Variants in AFG1L observed in about 807,000 individuals in gnomAD.
The protein encoded by AFG1L is AFG1-like ATPase.
In AFG1L, 53 loss-of-function variants were observed where a neutral mutation model predicts 62.2. The observed-to-expected ratio is 0.85, with a 90% CI of 0.68 to 1.07. The LOEUF (loss-of-function observed/expected upper bound fraction) is 1.07. AFG1L is among the 50% of genes least tolerant of loss of function. The pLI is 0.00. For synonymous variants in AFG1L, 228 were observed against 210.3 expected (o/e 1.08, Z -0.73); for missense variants, 555 against 590.5 (o/e 0.94, Z 0.62).
intron 2 of AFG1L, among the ~76,000 whole-genome samples, chr6:108,327,658 T>C (rs1213371632): frequency 6.6e-6 from 1 of 152,210 alleles, no homozygotes; most frequent in Non-Finnish European, 1.5e-5. Flanking sequence ...AGCCTCACTT[T>C]GGGGGTTAGA....
intron 7 of AFG1L, among the ~76,000 whole-genome samples, chr6:108,438,371 T>C (rs1190006231): frequency 1.3e-5 from 2 of 152,154 alleles, no homozygotes; most frequent in Non-Finnish European, 2.9e-5. Context: ...GGCCTTTCTG[T>C]GGGGTACACA....
chr6:108,295,243 C>A, intron 1 of AFG1L, 25 bp downstream of exon 1: 1 of 1,588,556 alleles, frequency 6.3e-7, no homozygotes, highest in South Asian at 1.1e-5. Flanking sequence ...CATGAGTAGT[C>A]CGAGCCGACT....
At chr6:108,312,950 C>G (rs377276144) in intron 1 of AFG1L, among the ~76,000 whole-genome samples, 2 of 152,098 alleles carry the variant, frequency 1.3e-5, no homozygotes, top group Non-Finnish European at 2.9e-5. Context: ...CTCTCATGTT[C>G]TTAAGATGCA....
At chr6:108,513,095 G>A (rs958455569) in intron 11 of AFG1L, among the ~76,000 whole-genome samples, 1 of 152,194 alleles carries the variant, frequency 6.6e-6, no homozygotes, top group Non-Finnish European at 1.5e-5. Flanking sequence ...GACAAATTCA[G>A]GACTTTTAAA....
At chr6:108,361,846 A>G (rs943550827) in intron 5 of AFG1L, among the ~76,000 whole-genome samples, 1 of 151,868 alleles carries the variant, frequency 6.6e-6, no homozygotes, top group Non-Finnish European at 1.5e-5. Flanking sequence ...CCCCTTACCC[A>G]CCTTTTTTCC....
rs139338133 is a variant in AFG1L at position 108,328,186 on chromosome 6, A to G, written c.363+4138A>G. On this transcript the variant is annotated intron_variant, in intron 2 of 12. Transcript: ENST00000368977. The stretch of plus-strand genomic sequence containing the variant: ...ATATAGGGATATATTTGCATATAGT[A>G]TATAAACTATAACATATAAAACTAT... Among the ~76,000 whole-genome samples, 399 of 152,354 alleles carry G rather than the reference A, an allele frequency of 2.6e-3. 3 individuals carry two copies. The highest frequency in any genetic ancestry group is 9.3e-3 in the African/African-American group (386 of 41,580).
At chr6:108,486,194 T>A (rs967027483) in intron 10 of AFG1L, among the ~76,000 whole-genome samples, 5 of 152,174 alleles carry the variant, frequency 3.3e-5, no homozygotes, top group East Asian at 1.9e-4. Context: ...TTGATTTTTT[T>A]AAAAAGCTTT....
rs754990857 is a variant in AFG1L, at chr6:108,312,620, C to T, written c.140-11205C>T. 7.2e-5 allele frequency among the ~76,000 whole-genome samples: 11 copies of T among 152,280 alleles called. No individual in the cohort carries two copies. The Middle Eastern group carries it at 0.01, about 142-fold the overall frequency. On this transcript the variant is annotated intron_variant, in intron 1 of 12. Transcript: ENST00000368977. ...AATAAAGATATTGAATCCAGTCCAA[C>T]TTAAAGCACCAAAGAACACATAGGC...
intron 11 of AFG1L, among the ~76,000 whole-genome samples, chr6:108,515,550 A>G (rs549926366): frequency 6.6e-6 from 1 of 152,368 alleles, no homozygotes; most frequent in African/African-American, 2.4e-5. Flanking sequence ...AGAAAGCAGG[A>G]AAGATCTAAA....
intron 2 of AFG1L, among the ~76,000 whole-genome samples, chr6:108,337,272 G>C (rs546492698): frequency 1.3e-5 from 2 of 152,246 alleles, no homozygotes; most frequent in East Asian, 3.9e-4. Context: ...TAGCCCTTAG[G>C]GCTCCTTTGA....
chr6:108,296,037 G>C (rs1776756399), intron 1 of AFG1L, among the ~76,000 whole-genome samples: 1 of 152,072 alleles, frequency 6.6e-6, no homozygotes, highest in South Asian at 2.1e-4. Flanking sequence ...AGCAACCCCT[G>C]TAATATACCT....
intron 7 of AFG1L, among the ~76,000 whole-genome samples, chr6:108,405,339 A>G (rs1380540311): frequency 6.6e-6 from 1 of 152,214 alleles, no homozygotes; most frequent in Non-Finnish European, 1.5e-5. Flanking sequence ...TATACATAAC[A>G]AAAATTACTA....
At chr6:108,429,788 T>C (rs1032708965) in intron 7 of AFG1L, among the ~76,000 whole-genome samples, 58 of 151,544 alleles carry the variant, frequency 3.8e-4, no homozygotes, top group Admixed American at 3.8e-3. Flanking sequence ...GAATTTAGGA[T>C]TTTTTTTTCT....
intron 11 of AFG1L, among the ~76,000 whole-genome samples, chr6:108,512,874 A>G (rs936013443): frequency 6.6e-6 from 1 of 152,174 alleles, no homozygotes; most frequent in African/African-American, 2.4e-5. Context: ...TTAAACAGAC[A>G]TTATTCTAGA....
intron 8 of AFG1L, among the ~76,000 whole-genome samples, chr6:108,461,543 C>T (rs1003640609): frequency 6.6e-6 from 1 of 152,122 alleles, no homozygotes; most frequent in Non-Finnish European, 1.5e-5. Context: ...ACTGCAGCCT[C>T]GTCCTAGACT....
Position 108,523,058 on chromosome 6 carries a change from G to A in AFG1L, c.*633G>A, listed in dbSNP as rs1307870571. The stretch of plus-strand genomic sequence containing the variant: ...TCACAAAGTTTTCTAAAAAAAAATA[G>A]AAAATTATGATGGGATCAAATAAGG... On this transcript the variant is annotated 3_prime_UTR_variant, in exon 13 of 13. Transcript: ENST00000368977. The A allele has an allele frequency of 6.6e-6, 1 of 151,200 alleles. No individual in the cohort carries two copies. The highest frequency in any genetic ancestry group is 1.5e-5 in the Non-Finnish European group (1 of 67,980). The allele number at this position is 151,200 out of a possible 1,614,324, so 9.4% of individuals were successfully genotyped here. A position where few individuals can be genotyped will look rare whatever the true frequency, so the allele number is the denominator to read the frequency against.
chr6:108,365,444 A>AT (rs1225059452), intron 5 of AFG1L, among the ~76,000 whole-genome samples: 2 of 122,244 alleles, frequency 1.6e-5, no homozygotes, highest in Non-Finnish European at 3.5e-5. Context: ...GTCACAAGTT[A>AT]TTTTTTTAAG....
intron 7 of AFG1L, among the ~76,000 whole-genome samples, chr6:108,445,154 C>T (rs765851974): frequency 2.2e-4 from 34 of 152,210 alleles, no homozygotes; most frequent in African/African-American, 5.8e-4. Context: ...TTTATTGAAA[C>T]CTCATGAACC....
rs1410872014 is a variant in AFG1L at position 108,390,640 on chromosome 6, G to A, written c.749-11356G>A. 2.0e-5 allele frequency among the ~76,000 whole-genome samples: 3 copies of A among 152,330 alleles called. No individual in the cohort carries two copies. The South Asian group carries it at 6.2e-4, about 32-fold the overall frequency. On this transcript the variant is annotated intron_variant, in intron 6 of 12. Coordinates refer to ENST00000368977, the MANE Select transcript of AFG1L (RefSeq NM_145315.5). ...AGTTTGCTGGAGGTCCACTCCAGAC[G>A]CTGTTTGCCTGGGCATCAGCATTGG...
Sources: gnomAD v4.1 joint callset for allele counts (sites outside exome capture counted in the v4.1 genomes callset) on GRCh38, gnomAD v4.1.1 for gene constraint, MANE v1.5 for transcripts, NCBI Gene and HGNC (gene_info 2026-07-23, HGNC 2026-07-21) for gene names.